Variants in ELOVL6 observed in about 807,000 individuals in gnomAD.
ELOVL6 encodes the protein ELOVL fatty acid elongase 6, also known as very long chain fatty acid elongase 6.
Under a neutral mutation model 31.7 loss-of-function variants are expected in ELOVL6, and 8 were observed. The observed-to-expected ratio is 0.25, with a 90% CI of 0.15 to 0.45. The LOEUF (loss-of-function observed/expected upper bound fraction) is 0.45. ELOVL6 is among the 20% of genes least tolerant of loss of function. ELOVL6 has a pLI of 1.00. For missense variants in ELOVL6, 126 were observed against 326.4 expected (o/e 0.39, Z 4.73); for synonymous variants, 101 against 117.7 (o/e 0.86, Z 0.92).
intron 1 of ELOVL6, among the ~76,000 whole-genome samples, chr4:110,171,072 A>T (rs1758928475): frequency 6.6e-6 from 1 of 152,298 alleles, no homozygotes; most frequent in Admixed American, 6.5e-5. Context: ...GCCAAGAAGA[A>T]TCTGAACAGA....
intron 1 of ELOVL6, among the ~76,000 whole-genome samples, chr4:110,168,818 C>G (rs1276787205): frequency 6.6e-6 from 1 of 152,164 alleles, no homozygotes; most frequent in African/African-American, 2.4e-5. Context: ...TTAACCTCAT[C>G]TCCAAGACAT....
intron 1 of ELOVL6, among the ~76,000 whole-genome samples, chr4:110,108,073 T>C (rs766019846): frequency 5.9e-5 from 9 of 152,162 alleles, no homozygotes; most frequent in South Asian, 4.1e-4. Flanking sequence ...GTGTAGAACA[T>C]TGTGTAACTG....
At chr4:110,181,879 C>T (rs2126278063) in intron 1 of ELOVL6, among the ~76,000 whole-genome samples, 1 of 152,316 alleles carries the variant, frequency 6.6e-6, no homozygotes, top group African/African-American at 2.4e-5. Context: ...ACTAGACAGA[C>T]TGGCCCCTTC....
chr4:110,059,010 G>A (rs1350248057), intron 3 of ELOVL6, among the ~76,000 whole-genome samples: 5 of 152,130 alleles, frequency 3.3e-5, no homozygotes, highest in African/African-American at 1.2e-4. Context: ...CCATTCAAGG[G>A]TTGAGGGAAA....
chr4:110,174,020 A>T (rs1220580180), intron 1 of ELOVL6, among the ~76,000 whole-genome samples: 1 of 152,116 alleles, frequency 6.6e-6, no homozygotes, highest in African/African-American at 2.4e-5. Context: ...AAAAAGCAAG[A>T]TAAATATTCG....
chr4:110,066,292 G>A (rs1276640907), intron 2 of ELOVL6, among the ~76,000 whole-genome samples: 1 of 152,074 alleles, frequency 6.6e-6, no homozygotes, highest in African/African-American at 2.4e-5. Context: ...CCACTGTAAT[G>A]CCTCTAGATT....
intron 1 of ELOVL6, among the ~76,000 whole-genome samples, chr4:110,176,174 A>T (rs1037955685): frequency 2.6e-5 from 4 of 151,620 alleles, no homozygotes; most frequent in Admixed American, 6.6e-5. Flanking sequence ...TTATTTATTT[A>T]TTTTTTGAGA....
chr4:110,103,783 AAGTGTAAAG>A (rs11277838), intron 2 of ELOVL6, among the ~76,000 whole-genome samples: 46,901 of 151,846 alleles, frequency 0.31, 8,288 homozygotes, highest in East Asian at 0.71. Context: ...CAGTTAATGG[AAGTGTAAAG>A]ATCTCATTTT....
At chr4:110,084,767 G>A (rs1378191591) in intron 2 of ELOVL6, among the ~76,000 whole-genome samples, 3 of 150,300 alleles carry the variant, frequency 2.0e-5, no homozygotes, top group Admixed American at 1.3e-4. Context: ...GCTAATTTTT[G>A]TGTGTTTAGT....
chr4:110,052,092 T>C (rs1164456470), intron 3 of ELOVL6, among the ~76,000 whole-genome samples: 1 of 152,192 alleles, frequency 6.6e-6, no homozygotes, highest in Non-Finnish European at 1.5e-5. Context: ...CAAAATCTTA[T>C]CCATCATTGA....
At chr4:110,119,513 G>A (rs990202752) in intron 1 of ELOVL6, among the ~76,000 whole-genome samples, 1 of 152,156 alleles carries the variant, frequency 6.6e-6, no homozygotes, top group Non-Finnish European at 1.5e-5. Flanking sequence ...AGGAAGCTGC[G>A]CTCCTGCTTG....
intron 1 of ELOVL6, among the ~76,000 whole-genome samples, chr4:110,162,245 A>C (rs1758651328): frequency 6.6e-6 from 1 of 152,096 alleles, no homozygotes; most frequent in Admixed American, 6.6e-5. Context: ...GACAACCAAA[A>C]TTTTTTCTTA....
At chr4:110,120,217 C>A (rs529833298) in intron 1 of ELOVL6, among the ~76,000 whole-genome samples, 1 of 151,978 alleles carries the variant, frequency 6.6e-6, no homozygotes, top group Admixed American at 6.6e-5. Flanking sequence ...TAAACCTGAG[C>A]CTTTGCTTTT....
chr4:110,087,928 A>G (rs949841274), intron 2 of ELOVL6, among the ~76,000 whole-genome samples: 2 of 152,154 alleles, frequency 1.3e-5, no homozygotes, highest in Non-Finnish European at 2.9e-5. Context: ...AATTAGAGTC[A>G]ATTTGGCTCT....
At chr4:110,084,289 TTA>T (rs72242778) in intron 2 of ELOVL6, among the ~76,000 whole-genome samples, 3,145 of 111,648 alleles carry the variant, frequency 0.028, 609 homozygotes, top group African/African-American at 0.11. Context: ...CATATATAAC[TTA>T]TATATGATAT....
intron 1 of ELOVL6, among the ~76,000 whole-genome samples, chr4:110,173,560 A>T (rs1184564270): frequency 6.7e-6 from 1 of 149,988 alleles, no homozygotes; most frequent in Non-Finnish European, 1.5e-5. Flanking sequence ...CATTTTGCCA[A>T]AATTTCCTCA....
In ELOVL6 at chr4:110,046,607, G is replaced by T. The variant is rs1754703471; in HGVS notation, c.*4731C>A. ...ATGAGGAAAGTAACTTGATTCAACA[G>T]GTTTGTGTATGTTCTTCAAAGCTCT... On this transcript the variant is annotated 3_prime_UTR_variant, in exon 4 of 4. Transcript: ENST00000302274. The T allele has an allele frequency of 6.6e-6, 1 of 152,234 alleles. No homozygotes were observed. Among genetic ancestry groups the T allele is most frequent in the Non-Finnish European group, 1.5e-5 (1 of 68,060 alleles). 9.4% of individuals were successfully genotyped at this position (152,234 alleles called of 1,614,324 possible). A position where few individuals can be genotyped will look rare whatever the true frequency, so the allele number is the denominator to read the frequency against.
intron 3 of ELOVL6, among the ~76,000 whole-genome samples, chr4:110,052,744 T>C (rs1343945883): frequency 1.3e-5 from 2 of 152,192 alleles, no homozygotes; most frequent in Admixed American, 1.3e-4. Context: ...GTGAAAAATA[T>C]ACCCAATTAC....
At chr4:110,087,593 T>G (rs1756303616) in intron 2 of ELOVL6, among the ~76,000 whole-genome samples, 1 of 152,192 alleles carries the variant, frequency 6.6e-6, no homozygotes, top group Non-Finnish European at 1.5e-5. Context: ...CCCAGCTGTC[T>G]CTGACACCAC....
Sources: allele counts gnomAD v4.1 joint callset (sites outside exome capture counted in the v4.1 genomes callset), GRCh38; gene constraint gnomAD v4.1.1; transcripts MANE v1.5; gene names NCBI Gene and HGNC (gene_info 2026-07-23, HGNC 2026-07-21).